CNTN4: variants seen among roughly 807,000 people sequenced by gnomAD.
CNTN4 encodes contactin-4.
Under a neutral mutation model 122.5 loss-of-function variants are expected in CNTN4, and 77 were observed. The ratio of observed to expected loss-of-function variants is 0.63; its 90% CI spans 0.52 to 0.76. The LOEUF is 0.76. Ranked by LOEUF, CNTN4 falls within the 30% of genes least tolerant of loss-of-function variation. The pLI, the probability that CNTN4 is intolerant of heterozygous loss-of-function variation, is 0.00. For missense variants in CNTN4, 1,256 were observed against 1,259.1 expected, an observed-to-expected ratio of 1.00 and a Z score of 0.04; for synonymous variants, 512 against 447.0, an observed-to-expected ratio of 1.15 and a Z score of -1.83.
intron 3 of CNTN4, among the ~76,000 whole-genome samples, chr3:2,390,270 A>G (rs1029927641): frequency 1.3e-5 from 2 of 150,896 alleles, no homozygotes; most frequent in Non-Finnish European, 3.0e-5. Flanking sequence ...CATAGAAATT[A>G]TAGAGGAAAT....
chr3:2,692,769 T>C (rs2085811325), intron 4 of CNTN4, among the ~76,000 whole-genome samples: 1 of 152,168 alleles, frequency 6.6e-6, no homozygotes, highest in Non-Finnish European at 1.5e-5. Flanking sequence ...TCTCTGTGTT[T>C]CATTGTATAA....
intron 6 of CNTN4, among the ~76,000 whole-genome samples, chr3:2,767,954 A>G (rs937050568): frequency 1.3e-5 from 2 of 152,232 alleles, no homozygotes; most frequent in African/African-American, 2.4e-5. Flanking sequence ...GTGTAAGGTC[A>G]TCTGCTGTTT....
intron 6 of CNTN4, among the ~76,000 whole-genome samples, chr3:2,752,419 G>C (rs138432754): frequency 6.6e-6 from 1 of 152,162 alleles, no homozygotes; most frequent in Admixed American, 6.5e-5. Context: ...AGGCTGCAGT[G>C]CAGTGGCACG....
intron 4 of CNTN4, among the ~76,000 whole-genome samples, chr3:2,663,738 A>G (rs746890287): frequency 3.3e-5 from 5 of 152,214 alleles, no homozygotes; most frequent in Admixed American, 6.5e-5. Context: ...AAGGTAGGAA[A>G]CAACCCACAT....
Position 2,745,600 on chromosome 3 carries a change from T to G in CNTN4, c.261T>G (p.Asn87Lys). 1 of 1,614,124 alleles carries G rather than the reference T, an allele frequency of 6.2e-7. No individual in the cohort carries two copies. Among genetic ancestry groups the G allele is most frequent in the Non-Finnish European group, 8.5e-7 (1 of 1,179,962 alleles). ...YSVVEGSLLI[N>K]NPNKTQDAGT... ...TTGTTGAAGGGAGCTTGTTGATCAA[T>G]AACCCCAATAAAACCCAAGATGCTG... is the stretch of plus-strand genomic sequence containing the variant. Residue 87 changes from asparagine (N) to lysine (K), a missense_variant, in exon 6 of 25, where the codon AAT becomes AAG. Transcript: ENST00000418658.
At chr3:2,953,334 ATTC>A (rs1357658002) in intron 13 of CNTN4, among the ~76,000 whole-genome samples, 4 of 151,920 alleles carry the variant, frequency 2.6e-5, no homozygotes, top group Non-Finnish European at 1.5e-5. Context: ...ACCAGCTTCC[ATTC>A]TTCAATTTCT....
At chr3:3,026,377 A>G (rs1022545415) in intron 15 of CNTN4, 100 bp downstream of exon 15, 1 of 1,034,648 alleles carries the variant, frequency 9.7e-7, no homozygotes, top group African/African-American at 1.6e-5. Flanking sequence ...AAGTAATCTT[A>G]TGGCAAGAAA....
At chr3:2,965,849 C>G (rs994976629) in intron 13 of CNTN4, among the ~76,000 whole-genome samples, 1 of 152,134 alleles carries the variant, frequency 6.6e-6, no homozygotes, top group Non-Finnish European at 1.5e-5. Context: ...GTATCTAACT[C>G]CTACATATCC....
At chr3:2,400,403 G>GT (rs2046797426) in intron 3 of CNTN4, among the ~76,000 whole-genome samples, 1 of 78,230 alleles carries the variant, frequency 1.3e-5, no homozygotes, top group African/African-American at 3.9e-5. Flanking sequence ...GTATGTGTGT[G>GT]AATATATATA....
intron 3 of CNTN4, among the ~76,000 whole-genome samples, chr3:2,481,578 T>C (rs76308725): frequency 0.012 from 1,900 of 152,192 alleles, 40 homozygotes; most frequent in African/African-American, 0.043. Flanking sequence ...AAGACCGACA[T>C]GTAAAATTTA....
chr3:2,363,583 C>T (rs1402060153), intron 3 of CNTN4, among the ~76,000 whole-genome samples: 6 of 152,036 alleles, frequency 3.9e-5, no homozygotes, highest in Non-Finnish European at 8.8e-5. Context: ...GAATCTCTAT[C>T]TAGGGTGTCT....
At chr3:2,348,420 A>T (rs551134121) in intron 3 of CNTN4, among the ~76,000 whole-genome samples, 2 of 152,078 alleles carry the variant, frequency 1.3e-5, no homozygotes, top group African/African-American at 4.8e-5. Context: ...TTGGAAGACT[A>T]TGTCTCCTGT....
At chr3:2,751,905 A>T (rs1358050533) in intron 6 of CNTN4, among the ~76,000 whole-genome samples, 3 of 152,096 alleles carry the variant, frequency 2.0e-5, no homozygotes, top group African/African-American at 7.2e-5. Flanking sequence ...CTAAGTTTAG[A>T]GGGAATCAAA....
At chr3:2,634,258 G>A (rs2082561956) in intron 4 of CNTN4, among the ~76,000 whole-genome samples, 1 of 152,118 alleles carries the variant, frequency 6.6e-6, no homozygotes, top group African/African-American at 2.4e-5. Context: ...ATTTGAACTA[G>A]TCTATAATGC....
intron 3 of CNTN4, among the ~76,000 whole-genome samples, chr3:2,484,622 C>G (rs929985904): frequency 6.6e-6 from 1 of 152,194 alleles, no homozygotes; most frequent in Non-Finnish European, 1.5e-5. Flanking sequence ...TGAACTGTCA[C>G]CCAGAAGGCT....
At chr3:2,429,623 G>A (rs568750217) in intron 3 of CNTN4, among the ~76,000 whole-genome samples, 1 of 152,316 alleles carries the variant, frequency 6.6e-6, no homozygotes, top group African/African-American at 2.4e-5. Context: ...AGACAGGGAC[G>A]TTTAAGTCTG....
chr3:2,342,115 A>G (rs1409552290), intron 3 of CNTN4, among the ~76,000 whole-genome samples: 1 of 152,188 alleles, frequency 6.6e-6, no homozygotes, highest in Non-Finnish European at 1.5e-5. Flanking sequence ...AGTAAAAATA[A>G]TTTTGGCTTT....
chr3:2,925,996 T>C (rs1321344508), intron 13 of CNTN4, among the ~76,000 whole-genome samples: 3 of 152,180 alleles, frequency 2.0e-5, no homozygotes. Context: ...CAGAGATAGA[T>C]CACATGATCC....
At chr3:2,225,018 CG>C (rs906379756) in intron 2 of CNTN4, among the ~76,000 whole-genome samples, 1 of 151,166 alleles carries the variant, frequency 6.6e-6, no homozygotes, top group Non-Finnish European at 1.5e-5. Context: ...GTTGCGGTGG[CG>C]GGCGCCTGTA....
Sources: gnomAD v4.1 joint callset for allele counts (sites outside exome capture counted in the v4.1 genomes callset) on GRCh38, gnomAD v4.1.1 for gene constraint, MANE v1.5 for transcripts, NCBI Gene and HGNC (gene_info 2026-07-23, HGNC 2026-07-21) for gene names.